The following WDFY4 variants were observed in gnomAD, a reference collection of about 807,000 sequenced individuals.
The protein encoded by WDFY4 is WDFY family member 4.
A neutral mutation model predicts 351.9 loss-of-function variants in WDFY4; 169 were observed. That is an observed-to-expected ratio of 0.48 (90% CI 0.42 to 0.55). WDFY4 has a LOEUF of 0.55. WDFY4 is among the 20% of genes least tolerant of loss of function. The pLI, the probability that WDFY4 is intolerant of heterozygous loss-of-function variation, is 0.00. For missense variants in WDFY4, 3,803 were observed against 3,935.6 expected (o/e 0.97, Z 0.90); for synonymous variants, 1,622 against 1,574.6 (o/e 1.03, Z -0.71).
intron 39 of WDFY4, among the ~76,000 whole-genome samples, chr10:48,859,274 A>T (rs1300532938): frequency 6.6e-6 from 1 of 152,154 alleles, no homozygotes; most frequent in East Asian, 1.9e-4. Flanking sequence ...AAAGCAGTGA[A>T]AGTAGACCTC....
chr10:48,866,168 G>A (rs1589775032), intron 39 of WDFY4, among the ~76,000 whole-genome samples: 1 of 151,974 alleles, frequency 6.6e-6, no homozygotes, highest in East Asian at 1.9e-4. Flanking sequence ...TCTTCAGATG[G>A]AAGTTTCAGA....
chr10:48,950,230 C>G (rs911996662), intron 51 of WDFY4, among the ~76,000 whole-genome samples: 5 of 152,140 alleles, frequency 3.3e-5, no homozygotes, highest in Non-Finnish European at 7.4e-5. Context: ...CACCCAGCAA[C>G]CACTGTTCTA....
chr10:48,749,842 C>T (rs2065126179), intron 12 of WDFY4, among the ~76,000 whole-genome samples: 2 of 152,196 alleles, frequency 1.3e-5, no homozygotes, highest in Non-Finnish European at 2.9e-5. Flanking sequence ...CTCCTTCTTG[C>T]TTCTGCCTTA....
intron 47 of WDFY4, among the ~76,000 whole-genome samples, chr10:48,917,237 G>A (rs1016969224): frequency 6.6e-6 from 1 of 152,180 alleles, no homozygotes; most frequent in Non-Finnish European, 1.5e-5. Flanking sequence ...TTCACATCAT[G>A]AAGTGACATG....
chr10:48,914,181 A>T, intron 47 of WDFY4: 1 of 1,600,800 alleles, frequency 6.2e-7, no homozygotes, highest in South Asian at 1.1e-5. Flanking sequence ...GAGTGTTAGA[A>T]GTTTATTGTT....
chr10:48,842,766 A>G (rs546629869), intron 39 of WDFY4, among the ~76,000 whole-genome samples: 4 of 152,310 alleles, frequency 2.6e-5, no homozygotes, highest in Non-Finnish European at 4.4e-5. Flanking sequence ...TTAATGAATT[A>G]TCAGTAGCTA....
At chr10:48,710,526 T>C (rs1351446199) in intron 2 of WDFY4, among the ~76,000 whole-genome samples, 1 of 152,140 alleles carries the variant, frequency 6.6e-6, no homozygotes, top group Non-Finnish European at 1.5e-5. Flanking sequence ...TACTGTCTCT[T>C]TAGTTAAAAA....
intron 13 of WDFY4, among the ~76,000 whole-genome samples, chr10:48,763,955 C>T (rs773788107): frequency 3.3e-5 from 5 of 152,198 alleles, no homozygotes; most frequent in South Asian, 2.1e-4. Flanking sequence ...TGAAACAAAA[C>T]GGCAGGCCTC....
At chr10:48,778,947 T>A (rs1023673722) in intron 18 of WDFY4, 115 bp downstream of exon 18, 6 of 1,184,698 alleles carry the variant, frequency 5.1e-6, no homozygotes, top group African/African-American at 1.5e-5. Flanking sequence ...TTTCTCCTCA[T>A]CCTTTGAAAT....
chr10:48,877,067 G>T lies in WDFY4; in HGVS notation c.7035G>T (p.Pro2345=), dbSNP rs916800767. Residue 2345 remains proline, a synonymous_variant, in exon 43 of 62, where the codon CCG becomes CCT. Coordinates refer to ENST00000325239, the MANE Select transcript of WDFY4 (RefSeq NM_001394531.1). The part of the protein sequence containing the change: ...ELTLREAEGE[P]DEVGVDCTQL... ...CACTGAGGGAGGCTGAGGGCGAGCC[G>T]GACGAGGTGGGGGTGGACTGCACCC... The T allele has an allele frequency of 2.6e-6, 4 of 1,519,606 alleles. No individual in the cohort carries two copies. In the South Asian group the frequency reaches 3.8e-5, roughly 14 times the overall value. The allele number at this position is 1,519,606 out of a possible 1,614,324, so 94.1% of individuals were successfully genotyped here.
Position 48,731,313 on chromosome 10 carries a change from C to T in WDFY4, c.1333C>T (p.Gln445Ter). Residue 445 changes from glutamine to a stop codon, truncating the protein, a stop_gained, in exon 9 of 62, where the codon CAG becomes TAG. Transcript: ENST00000325239. LOFTEE classifies it high-confidence loss of function. Reference sequence around the variant, plus strand: ...CATGCCCCTGAAGCCGGCCCCAGTGCAGGAACACTTCTTCCAGCTTCTAGA... The same window carrying T: ...CATGCCCCTGAAGCCGGCCCCAGTGTAGGAACACTTCTTCCAGCTTCTAGA... ...EIMPLKPAPV[Q>*]EHFFQLLEAL... The T allele has an allele frequency of 6.4e-7, 1 of 1,551,870 alleles. No homozygotes were observed. The highest frequency in any genetic ancestry group is 1.2e-5 in the South Asian group (1 of 84,066).
intron 26 of WDFY4, 21 bp from the exon 27 acceptor site, chr10:48,805,983 C>T: frequency 6.4e-7 from 1 of 1,551,140 alleles, no homozygotes; most frequent in Non-Finnish European, 8.7e-7. Context: ...CGAGCCTGTC[C>T]TTCTCTCCCT....
At position 48,822,416 on chromosome 10, in the gene WDFY4, C is replaced by T. The variant is rs928498702; in HGVS notation, c.5861C>T (p.Ala1954Val). 8.1e-5 allele frequency: 126 copies of T among 1,550,596 alleles called. No individual in the cohort carries two copies. The highest frequency in any genetic ancestry group is 1.1e-4 in the Non-Finnish European group (123 of 1,146,374). The change falls in exon 35 of 62, where the codon GCT becomes GTT. Residue 1954 changes from alanine to valine, a missense_variant. By Grantham distance (64) the Ala-to-Val change is moderately conservative. This residue lies in a region of WDFY4 where 3,054 missense variants were observed against 3,148.6 expected (regional missense o/e 0.97). Coordinates refer to ENST00000325239, the MANE Select transcript of WDFY4 (RefSeq NM_001394531.1). ...KEPQPSAEAA[A>V]APSLANISCF... ...CCTCAGCCAAGTGCAGAAGCTGCTG[C>T]TGCCCCTTCTCTTGCCAACATCTCC...
intron 40 of WDFY4, among the ~76,000 whole-genome samples, chr10:48,872,895 C>T (rs1325361717): frequency 6.6e-6 from 1 of 152,162 alleles, no homozygotes; most frequent in Admixed American, 6.5e-5. Context: ...GAATCTATGA[C>T]ATTAGGATTG....
At chr10:48,963,795 G>T in intron 53 of WDFY4, 47 bp from the exon 54 acceptor site, 1 of 1,535,346 alleles carries the variant, frequency 6.5e-7, no homozygotes. Flanking sequence ...GAGTGCATGA[G>T]TCCATGAGTG....
chr10:48,750,022 G>T (rs1199179042), intron 12 of WDFY4, among the ~76,000 whole-genome samples: 1 of 152,218 alleles, frequency 6.6e-6, no homozygotes, highest in Admixed American at 6.5e-5. Flanking sequence ...CCAGGCAATA[G>T]TTAAGGTTTC....
chr10:48,800,445 A>C (rs1280097183), intron 24 of WDFY4, among the ~76,000 whole-genome samples: 1 of 151,678 alleles, frequency 6.6e-6, no homozygotes, highest in East Asian at 1.9e-4. Context: ...GGAAGCTGTG[A>C]GGGAGGGTGG....
At chr10:48,948,638 C>A (rs770342279) in intron 51 of WDFY4, among the ~76,000 whole-genome samples, 20 of 152,196 alleles carry the variant, frequency 1.3e-4, no homozygotes, top group Non-Finnish European at 2.5e-4. Context: ...AAATCTTCTG[C>A]AAGTTATTTT....
intron 37 of WDFY4, among the ~76,000 whole-genome samples, chr10:48,830,137 GT>G (rs898729442): frequency 1.7e-4 from 26 of 152,320 alleles, no homozygotes; most frequent in African/African-American, 6.3e-4. Context: ...AGCAGACACA[GT>G]TGGTTTGTTA....
Sources: gnomAD v4.1 joint callset for allele counts (sites outside exome capture counted in the v4.1 genomes callset) on GRCh38, gnomAD v4.1.1 for gene constraint, gnomAD v4.1.1 regional missense constraint, MANE v1.5 for transcripts, NCBI Gene and HGNC (gene_info 2026-07-23, HGNC 2026-07-21) for gene names.